The following DCDC2C variants were observed in gnomAD, a reference collection of about 807,000 sequenced individuals.
DCDC2C encodes the protein doublecortin domain containing 2C.
In DCDC2C, 44 loss-of-function variants were observed where a neutral mutation model predicts 45.0. The ratio of observed to expected loss-of-function variants is 0.98; its 90% confidence interval spans 0.77 to 1.26. The LOEUF (loss-of-function observed/expected upper bound fraction) is 1.26, where lower values mean the gene tolerates loss of function less well. Ranked by LOEUF, DCDC2C falls within the 50% of genes most tolerant of loss-of-function variation. The pLI is 0.00. For missense variants in DCDC2C, 447 were observed against 468.9 expected, an observed-to-expected ratio of 0.95 and a Z score of 0.43; for synonymous variants, 187 against 178.8, an observed-to-expected ratio of 1.05 and a Z score of -0.37.
chr2:3,804,100 G>A (rs10171309), intron 10 of DCDC2C, among the ~76,000 whole-genome samples: 31,663 of 152,182 alleles, frequency 0.21, 3,541 homozygotes, highest in South Asian at 0.36. Context: ...CAGTATGGCT[G>A]CAAGTTCTCT....
intron 10 of DCDC2C, among the ~76,000 whole-genome samples, chr2:3,792,745 G>C (rs1253628602): frequency 1.3e-5 from 2 of 152,162 alleles, no homozygotes; most frequent in African/African-American, 4.8e-5. Context: ...TTATTACTTG[G>C]TTACCCTAAA....
intron 1 of DCDC2C, among the ~76,000 whole-genome samples, chr2:3,704,351 G>T (rs1667978021): frequency 7.5e-6 from 1 of 133,530 alleles, no homozygotes. Context: ...GGCAGAAACA[G>T]GGGTGTGGAG....
chr2:3,757,705 C>T (rs1018376441), intron 6 of DCDC2C, among the ~76,000 whole-genome samples: 1 of 152,148 alleles, frequency 6.6e-6, no homozygotes, highest in Non-Finnish European at 1.5e-5. Context: ...GGCAGAGTGT[C>T]GATAAGCATG....
intron 3 of DCDC2C, among the ~76,000 whole-genome samples, chr2:3,736,772 A>G (rs751949573): frequency 3.3e-5 from 5 of 152,228 alleles, no homozygotes; most frequent in Non-Finnish European, 7.3e-5. Context: ...TCTCAACGAG[A>G]AAGTTTAAGA....
rs116208356 is a variant in DCDC2C, at chr2:3,763,794, G to A, written c.727-3960G>A. On this transcript the variant is annotated intron_variant, in intron 6 of 10. Coordinates refer to ENST00000399143, the MANE Select transcript of DCDC2C (RefSeq NM_001287444.2). ...ACCAAGTGAGGCACTTGCGCTTGGTGCTACCCATGTGTTTCTTTCTGCTGC... is the reference window on the plus strand; with the variant it reads ...ACCAAGTGAGGCACTTGCGCTTGGTACTACCCATGTGTTTCTTTCTGCTGC... 7.9e-3 allele frequency among the ~76,000 whole-genome samples: 1,201 copies of A among 152,256 alleles called. 12 individuals are homozygous for A. Among genetic ancestry groups the A allele is most frequent in the African/African-American group, 0.027 (1,136 of 41,534 alleles).
At chr2:3,722,034 T>A (rs1294062753) in intron 2 of DCDC2C, among the ~76,000 whole-genome samples, 1 of 152,260 alleles carries the variant, frequency 6.6e-6, no homozygotes, top group African/African-American at 2.4e-5. Context: ...ATTACAGTCA[T>A]TTGCTAAGCA....
intron 2 of DCDC2C, among the ~76,000 whole-genome samples, chr2:3,711,148 C>G (rs140140571): frequency 1.5e-4 from 23 of 152,160 alleles, no homozygotes; most frequent in Non-Finnish European, 2.9e-4. Context: ...ACAACAGATG[C>G]TGGCAAGGTT....
intron 8 of DCDC2C, among the ~76,000 whole-genome samples, chr2:3,772,420 C>T (rs895143227): frequency 6.6e-6 from 1 of 152,220 alleles, no homozygotes; most frequent in African/African-American, 2.4e-5. Flanking sequence ...AAGACTTTGA[C>T]TCCGCAGCCC....
At chr2:3,705,474 T>C (rs752912806) in intron 1 of DCDC2C, among the ~76,000 whole-genome samples, 1 of 152,252 alleles carries the variant, frequency 6.6e-6, no homozygotes, top group Non-Finnish European at 1.5e-5. Flanking sequence ...AGTGCTGATT[T>C]ACAATTAAAG....
chr2:3,721,951 A>G (rs1163496971), intron 2 of DCDC2C, among the ~76,000 whole-genome samples: 2 of 152,226 alleles, frequency 1.3e-5, no homozygotes, highest in African/African-American at 4.8e-5. Flanking sequence ...TCTTTTGTAA[A>G]TTGCCCAGTC....
chr2:3,827,404 T>G (rs1434715359), intron 10 of DCDC2C, among the ~76,000 whole-genome samples: 1 of 151,924 alleles, frequency 6.6e-6, no homozygotes, highest in Non-Finnish European at 1.5e-5. Context: ...GGTTCTCAGG[T>G]CCCAAGCTGG....
At chr2:3,705,281 G>T (rs1176831840) in intron 1 of DCDC2C, among the ~76,000 whole-genome samples, 2 of 152,238 alleles carry the variant, frequency 1.3e-5, no homozygotes, top group Non-Finnish European at 2.9e-5. Context: ...CAGTTGCTAA[G>T]AGGTAGAATC....
intron 6 of DCDC2C, among the ~76,000 whole-genome samples, chr2:3,763,151 C>A (rs1405901591): frequency 6.6e-6 from 1 of 152,192 alleles, no homozygotes; most frequent in African/African-American, 2.4e-5. Flanking sequence ...TCAAGTCTTA[C>A]CTGTTCCACT....
chr2:3,709,522 G>A (rs1161493613), intron 2 of DCDC2C, among the ~76,000 whole-genome samples: 1 of 152,206 alleles, frequency 6.6e-6, no homozygotes, highest in African/African-American at 2.4e-5. Context: ...GCCCTTGAGG[G>A]CAGTTAAAAT....
chr2:3,764,097 A>C (rs1048359628), intron 6 of DCDC2C, among the ~76,000 whole-genome samples: 2 of 152,204 alleles, frequency 1.3e-5, no homozygotes, highest in African/African-American at 4.8e-5. Flanking sequence ...CGACTTCATC[A>C]TTTCTCATCG....
At chr2:3,706,776 G>T (rs72769398) in intron 1 of DCDC2C, among the ~76,000 whole-genome samples, 1 of 152,206 alleles carries the variant, frequency 6.6e-6, no homozygotes, top group Non-Finnish European at 1.5e-5. Context: ...GAGGAAAAGT[G>T]GGTGGAGAGG....
chr2:3,738,988 T>C (rs937601582), intron 3 of DCDC2C, among the ~76,000 whole-genome samples: 2 of 152,294 alleles, frequency 1.3e-5, no homozygotes, highest in Admixed American at 6.5e-5. Flanking sequence ...CATGGTGATA[T>C]TGGTCTAGGT....
intron 10 of DCDC2C, among the ~76,000 whole-genome samples, chr2:3,839,127 A>T (rs1207556410): frequency 6.6e-6 from 1 of 152,200 alleles, no homozygotes; most frequent in Non-Finnish European, 1.5e-5. Context: ...GATTTTGTGA[A>T]TTCAAACTAC....
intron 10 of DCDC2C, among the ~76,000 whole-genome samples, chr2:3,800,231 A>G (rs986200196): frequency 2.0e-5 from 3 of 152,142 alleles, no homozygotes; most frequent in East Asian, 1.9e-4. Context: ...TTCAGCTCGC[A>G]CACGGTGCGC....
Sources: allele counts gnomAD v4.1 joint callset (sites outside exome capture counted in the v4.1 genomes callset), GRCh38; gene constraint gnomAD v4.1.1; transcripts MANE v1.5; gene names NCBI Gene and HGNC (gene_info 2026-07-23, HGNC 2026-07-21).